The following TAF6 variants were observed in gnomAD, a reference collection of about 807,000 sequenced individuals.
The protein encoded by TAF6 is TATA-box binding protein associated factor 6.
TAF6 carries 50 observed loss-of-function variants against 73.5 expected under a neutral mutation model. The observed-to-expected ratio is 0.68, with a 90% CI of 0.54 to 0.86. The LOEUF is 0.86. TAF6 is among the 40% of genes least tolerant of loss of function. The pLI, the probability that TAF6 is intolerant of heterozygous loss-of-function variation, is 0.00. For missense variants in TAF6, 768 were observed against 899.5 expected, an observed-to-expected ratio of 0.85 and a Z score of 1.87; for synonymous variants, 424 against 376.7, an observed-to-expected ratio of 1.13 and a Z score of -1.45.
At position 100,119,322 on chromosome 7, in the gene TAF6, T is replaced by G; in HGVS notation, c.-178A>C. On this transcript the variant is annotated 5_prime_UTR_variant, in exon 1 of 15. Transcript: ENST00000453269. ...AAAACTCTAGCGGCAGCCGAGACGCTGCTCACCCGGCGCTCGGCGCCATCT... is the reference window on the plus strand; with the variant it reads ...AAAACTCTAGCGGCAGCCGAGACGCGGCTCACCCGGCGCTCGGCGCCATCT... 1.9e-6 allele frequency: 2 copies of G among 1,034,598 alleles called. No homozygotes were observed. Among genetic ancestry groups the G allele is most frequent in the Non-Finnish European group, 1.2e-6 (1 of 859,244 alleles). 64.1% of individuals were successfully genotyped at this position (1,034,598 alleles called of 1,614,324 possible).
intron 1 of TAF6, 184 bp downstream of exon 1, chr7:100,119,020 C>A: frequency 1.0e-6 from 1 of 985,754 alleles, no homozygotes; most frequent in Non-Finnish European, 1.2e-6. Context: ...CTCCTCAGAT[C>A]AGTGGAGGCG....
At chr7:100,119,890 C>G (rs766831275), upstream of TAF6, 1 of 1,565,768 alleles carries the variant, frequency 6.4e-7, no homozygotes, top group East Asian at 2.3e-5. Flanking sequence ...CCCCTATAGG[C>G]ATCGCCCGGC....
In TAF6 at chr7:100,107,988, A is replaced by T; in HGVS notation, c.1594T>A (p.Ser532Thr). 6.2e-7 allele frequency: 1 copy of T among 1,613,896 alleles called. No homozygotes were observed. Among genetic ancestry groups the T allele is most frequent in the African/African-American group, 1.3e-5 (1 of 74,984 alleles). Residue 532 changes from serine to threonine, a missense_variant, in exon 14 of 15, where the codon TCC becomes ACC. This residue lies in a region of TAF6 where 350 missense variants were observed against 352.3 expected (regional missense o/e 0.99). Transcript: ENST00000453269. ...ACAATAAACTTGGTTGGAGGAGGGG[A>T]AGGCTGTGGTGGGGCAGCCGCTCGT... ...SARAAAPPQP[S>T]PPPTKFIVMS...
At chr7:100,108,598 G>T in intron 12 of TAF6, 58 bp from the exon 13 acceptor site, 1 of 1,537,914 alleles carries the variant, frequency 6.5e-7, no homozygotes, top group South Asian at 1.2e-5. Context: ...GCCAGGTAGA[G>T]GGAGGGCTGG....
At position 100,108,128 on chromosome 7, in the gene TAF6, G is replaced by A. The variant is rs200377684; in HGVS notation, c.1459-5C>T. 38 of 1,589,162 alleles carry A rather than the reference G, an allele frequency of 2.4e-5. 1 individual carries two copies. Among genetic ancestry groups the A allele is most frequent in the Admixed American group, 2.0e-4 (11 of 54,636 alleles). On this transcript the variant is annotated splice_polypyrimidine_tract_variant and splice_region_variant and intron_variant, in intron 13 of 14. Coordinates refer to ENST00000453269, the MANE Select transcript of TAF6 (RefSeq NM_139315.3). The stretch of plus-strand genomic sequence containing the variant: ...GAGGGTCAGCGTGGGCCGGGGCTGC[G>A]GGGAGAAGAGGAAAGGGGGAAGTGG...
At chr7:100,111,883 C>G in intron 8 of TAF6, 39 bp downstream of exon 8, 1 of 1,614,082 alleles carries the variant, frequency 6.2e-7, no homozygotes, top group Non-Finnish European at 8.5e-7. Context: ...ACAGGAGCTT[C>G]CACTGCCGTC....
the TAF6 span, chr7:100,126,908 C>T: frequency 6.4e-6 from 1 of 155,606 alleles, no homozygotes; most frequent in Admixed American, 6.5e-5. Context: ...GCAGCCTCCT[C>T]GGGCACACGG....
intron 12 of TAF6, 41 bp from the exon 13 acceptor site, chr7:100,108,581 G>GA: frequency 6.4e-7 from 1 of 1,558,806 alleles, no homozygotes; most frequent in Non-Finnish European, 8.7e-7. Flanking sequence ...GAGGGCTGGG[G>GA]AAAAAAGCCA....
At chr7:100,124,832 G>T (rs1352882825), upstream of TAF6, 1 of 1,611,030 alleles carries the variant, frequency 6.2e-7, no homozygotes, top group Non-Finnish European at 8.5e-7. Context: ...AGAGGAAGGG[G>T]GAGACAAGAT....
chr7:100,123,079 C>T (rs1320020443), upstream of TAF6, among the ~76,000 whole-genome samples: 1 of 152,106 alleles, frequency 6.6e-6, no homozygotes, highest in African/African-American at 2.4e-5. Context: ...CGGTGGCTCA[C>T]ACCTGTAATC....
In TAF6 at chr7:100,107,185, T is replaced by C; in HGVS notation, c.*61A>G. ...CTTCCGCTTAGCGAGCATGCATGTG[T>C]GTACGTGCACGTGTGTACATGTCTG... On this transcript the variant is annotated 3_prime_UTR_variant, in exon 15 of 15. Coordinates refer to ENST00000453269, the MANE Select transcript of TAF6 (RefSeq NM_139315.3). The C allele has an allele frequency of 6.6e-7, 1 of 1,518,932 alleles. No individual in the cohort carries two copies. The highest frequency in any genetic ancestry group is 2.2e-5 in the Admixed American group (1 of 45,386). 94.1% of individuals were successfully genotyped at this position (1,518,932 alleles called of 1,614,324 possible). A position where few individuals can be genotyped will look rare whatever the true frequency, so the allele number is the denominator to read the frequency against.
At position 100,114,091 on chromosome 7, in the gene TAF6, G is replaced by A. The variant is rs1326717519; in HGVS notation, c.119C>T (p.Thr40Met). ...TTTGATGCGGTAGCTGACCTCATCC[G>A]TTAGCAGCTGGCAGGTCTCCTCCTG... ...QIQEETCQLL[T>M]DEVSYRIKEI... The change falls in exon 2 of 15, where the codon ACG becomes ATG. Residue 40 changes from threonine to methionine, a missense_variant. By Grantham distance (81) the Thr-to-Met change is moderately conservative. Around this residue, in one of 5 missense-constraint regions of TAF6, gnomAD observed 269 missense variants for 268.0 expected, o/e 1.00. Transcript: ENST00000453269. 22 of 1,614,216 alleles carry A rather than the reference G, an allele frequency of 1.4e-5. No individual in the cohort carries two copies. The highest frequency in any genetic ancestry group is 1.7e-5 in the Non-Finnish European group (20 of 1,180,052).
At chr7:100,108,279 G>C in intron 13 of TAF6, 88 bp downstream of exon 13, 1 of 1,489,610 alleles carries the variant, frequency 6.7e-7, no homozygotes, top group Non-Finnish European at 8.9e-7. Flanking sequence ...TACTGACTGA[G>C]GGCACATGTG....
At chr7:100,123,359 CAAAAACAAAAAA>C (rs1208659287), upstream of TAF6, among the ~76,000 whole-genome samples, 64 of 150,818 alleles carry the variant, frequency 4.2e-4, 1 homozygote, top group Non-Finnish European at 5.8e-4. Context: ...AAAACAAAAA[CAAAAACAAAAAA>C]AAAGAAATCA....
rs755022509 is a variant in TAF6, at chr7:100,114,067, T to C, written c.143A>G (p.Lys48Arg). The change falls in exon 2 of 15, where the codon AAA becomes AGA. Residue 48 changes from lysine (K) to arginine (R), a missense_variant. By Grantham distance (26) the Lys-to-Arg change is conservative. This residue lies in a region of TAF6 where 269 missense variants were observed against 268.0 expected (regional missense o/e 1.00). Transcript: ENST00000453269. ...LLTDEVSYRI[K>R]EIAQDALKFM... The stretch of plus-strand genomic sequence containing the variant: ...GGGCCGGGTCACCTGTGCGATCTCT[T>C]TGATGCGGTAGCTGACCTCATCCGT... The C allele has an allele frequency of 1.9e-6, 3 of 1,614,172 alleles. No homozygotes were observed. The highest frequency in any genetic ancestry group is 2.5e-6 in the Non-Finnish European group (3 of 1,180,026).
chr7:100,113,717 C>T lies in TAF6; in HGVS notation c.296G>A (p.Gly99Asp). ...QEFIPFRFAS[G>D]GGRELYFYEE... ...ATAGAAGTAAAGCTCCCGGCCCCCA[C>T]CAGAGGCGAAGCGGAAAGGAATGAA... Residue 99 changes from glycine to aspartate, a missense_variant, in exon 4 of 15, where the codon GGT becomes GAT. By Grantham distance (94) the Gly-to-Asp change is moderately conservative. Around this residue, in one of 5 missense-constraint regions of TAF6, gnomAD observed 269 missense variants for 268.0 expected, o/e 1.00. Coordinates refer to ENST00000453269, the MANE Select transcript of TAF6 (RefSeq NM_139315.3). 1.2e-6 allele frequency: 2 copies of T among 1,614,052 alleles called. No individual in the cohort carries two copies. Among genetic ancestry groups the T allele is most frequent in the Non-Finnish European group, 1.7e-6 (2 of 1,180,020 alleles).
intron 9 of TAF6, 72 bp from the exon 10 acceptor site, chr7:100,111,393 C>G (rs747917819): frequency 1.4e-5 from 21 of 1,537,044 alleles, no homozygotes; most frequent in Non-Finnish European, 1.9e-5. Context: ...TGCTCTGTCA[C>G]CCAGGCTGGT....
At chr7:100,112,569 G>A (rs1023849633) in intron 6 of TAF6, among the ~76,000 whole-genome samples, 2 of 152,140 alleles carry the variant, frequency 1.3e-5, no homozygotes, top group African/African-American at 4.8e-5. Context: ...ACAAAAATTA[G>A]CCGGGCGTGG....
chr7:100,110,896 C>T (rs977870446), intron 10 of TAF6, among the ~76,000 whole-genome samples: 6 of 151,584 alleles, frequency 4.0e-5, no homozygotes, highest in Admixed American at 1.3e-4. Context: ...GGAGAAGAAT[C>T]GCTTGAACCC....
Sources: gnomAD v4.1 joint callset for allele counts (sites outside exome capture counted in the v4.1 genomes callset) on GRCh38, gnomAD v4.1.1 for gene constraint, gnomAD v4.1.1 regional missense constraint, MANE v1.5 for transcripts, NCBI Gene and HGNC (gene_info 2026-07-23, HGNC 2026-07-21) for gene names.